YAP1: variants seen among roughly 807,000 people sequenced by gnomAD.
YAP1 encodes Yes1 associated transcriptional regulator, also known as transcriptional coactivator YAP1.
In YAP1, 5 loss-of-function variants were observed where a neutral mutation model predicts 56.9. The observed-to-expected ratio is 0.09, with a 90% CI of 0.05 to 0.18. YAP1 has a LOEUF of 0.18. Ranked by LOEUF, YAP1 falls within the 10% of genes least tolerant of loss-of-function variation. The pLI is 1.00. For missense variants in YAP1, 539 were observed against 651.8 expected, an observed-to-expected ratio of 0.83 and a Z score of 1.88; for synonymous variants, 265 against 248.1, an observed-to-expected ratio of 1.07 and a Z score of -0.64.
At chr11:102,111,533 G>A (rs1259905237) in intron 1 of YAP1, among the ~76,000 whole-genome samples, 1 of 151,936 alleles carries the variant, frequency 6.6e-6, no homozygotes, top group Non-Finnish European at 1.5e-5. Flanking sequence ...AGTCGGGCCT[G>A]GGCCGCGGTG....
intron 4 of YAP1, among the ~76,000 whole-genome samples, chr11:102,192,298 C>T (rs1216484114): frequency 6.6e-6 from 1 of 152,198 alleles, no homozygotes; most frequent in African/African-American, 2.4e-5. Flanking sequence ...TTACTCACTT[C>T]TCTGGATGTC....
At chr11:102,220,044 G>A (rs560397193) in intron 6 of YAP1, among the ~76,000 whole-genome samples, 3 of 150,508 alleles carry the variant, frequency 2.0e-5, no homozygotes, top group Admixed American at 2.0e-4. Flanking sequence ...AATGGCCTCA[G>A]TGTTCTAATG....
intron 3 of YAP1, among the ~76,000 whole-genome samples, chr11:102,171,788 T>G (rs1455756760): frequency 6.6e-6 from 1 of 152,208 alleles, no homozygotes; most frequent in Non-Finnish European, 1.5e-5. Flanking sequence ...ATAGTATTTT[T>G]CCCTTCTTAA....
At chr11:102,191,104 C>G (rs1948254810) in intron 4 of YAP1, among the ~76,000 whole-genome samples, 1 of 151,590 alleles carries the variant, frequency 6.6e-6, no homozygotes, top group Non-Finnish European at 1.5e-5. Context: ...ACCTGGGAGG[C>G]AGAGGTTGCA....
At chr11:102,160,591 T>G (rs1442115174) in intron 2 of YAP1, among the ~76,000 whole-genome samples, 2 of 152,242 alleles carry the variant, frequency 1.3e-5, no homozygotes, top group Non-Finnish European at 2.9e-5. Flanking sequence ...ACTTATCATT[T>G]TAGAAAAACC....
intron 2 of YAP1, among the ~76,000 whole-genome samples, chr11:102,135,929 A>G (rs1365046063): frequency 1.3e-5 from 2 of 152,178 alleles, no homozygotes; most frequent in African/African-American, 4.8e-5. Context: ...GCTCTATTGT[A>G]TAGCTAGACC....
At chr11:102,183,893 G>C (rs979745789) in intron 3 of YAP1, among the ~76,000 whole-genome samples, 9 of 151,704 alleles carry the variant, frequency 5.9e-5, no homozygotes, top group Non-Finnish European at 1.3e-4. Context: ...CGGCTAAAAT[G>C]GTGAAACCCC....
chr11:102,156,749 G>A (rs1945974144), intron 2 of YAP1, among the ~76,000 whole-genome samples: 1 of 152,320 alleles, frequency 6.6e-6, no homozygotes, highest in African/African-American at 2.4e-5. Flanking sequence ...TCAGGTACAC[G>A]CCATTTGGGA....
intron 2 of YAP1, among the ~76,000 whole-genome samples, chr11:102,141,133 T>C (rs1173446573): frequency 6.6e-6 from 1 of 152,194 alleles, no homozygotes; most frequent in Non-Finnish European, 1.5e-5. Context: ...CTAGAGAGTC[T>C]ACCTAGATTT....
At chr11:102,127,340 G>A (rs910492490) in intron 2 of YAP1, among the ~76,000 whole-genome samples, 1 of 152,202 alleles carries the variant, frequency 6.6e-6, no homozygotes, top group Non-Finnish European at 1.5e-5. Context: ...CCTGTGCTGT[G>A]TGCAGTCTAG....
chr11:102,199,156 C>A (rs1342919411), intron 4 of YAP1, among the ~76,000 whole-genome samples: 1 of 152,166 alleles, frequency 6.6e-6, no homozygotes, highest in Non-Finnish European at 1.5e-5. Context: ...GGAGCACCCA[C>A]TATTCCAGGT....
intron 2 of YAP1, among the ~76,000 whole-genome samples, chr11:102,152,677 C>T (rs1307448229): frequency 6.6e-6 from 1 of 152,160 alleles, no homozygotes; most frequent in Non-Finnish European, 1.5e-5. Context: ...CAAATGAAGC[C>T]ATTCAAAAGG....
chr11:102,136,682 A>G (rs185685078), intron 2 of YAP1, among the ~76,000 whole-genome samples: 1 of 152,188 alleles, frequency 6.6e-6, no homozygotes, highest in East Asian at 1.9e-4. Flanking sequence ...AGTTTCATAT[A>G]TATGTCTTTA....
At chr11:102,200,840 GTA>G (rs1458693089) in intron 4 of YAP1, among the ~76,000 whole-genome samples, 1 of 152,094 alleles carries the variant, frequency 6.6e-6, no homozygotes, top group Non-Finnish European at 1.5e-5. Context: ...TATCCTTAGT[GTA>G]TAGATTGTAT....
At chr11:102,210,227 A>C (rs1274757575) in intron 6 of YAP1, among the ~76,000 whole-genome samples, 1 of 152,176 alleles carries the variant, frequency 6.6e-6, no homozygotes, top group Non-Finnish European at 1.5e-5. Context: ...CGTTCTTAAA[A>C]CCAAAAAGAT....
chr11:102,113,559 G>A (rs1030364856), intron 1 of YAP1, among the ~76,000 whole-genome samples: 2 of 152,014 alleles, frequency 1.3e-5, no homozygotes, highest in African/African-American at 4.8e-5. Flanking sequence ...GTTCATTGTA[G>A]ATGGCTTTTA....
intron 1 of YAP1, among the ~76,000 whole-genome samples, chr11:102,111,664 G>A (rs1942927668): frequency 6.6e-6 from 1 of 152,192 alleles, no homozygotes; most frequent in South Asian, 2.1e-4. Flanking sequence ...CGGCGGCCGA[G>A]TTTGTGAAGT....
At chr11:102,177,675 C>CA (rs1022433513) in intron 3 of YAP1, among the ~76,000 whole-genome samples, 6,208 of 54,380 alleles carry the variant, frequency 0.11, 379 homozygotes, top group African/African-American at 0.24. Flanking sequence ...GACTCGGTCT[C>CA]AAAAAAAAAA....
intron 2 of YAP1, 84 bp from the exon 3 acceptor site, chr11:102,162,372 C>A: frequency 8.6e-7 from 1 of 1,167,094 alleles, no homozygotes; most frequent in Non-Finnish European, 1.3e-6. Flanking sequence ...TCGCTTGGCA[C>A]CCTTTGATTA....
Sources: allele counts gnomAD v4.1 joint callset (sites outside exome capture counted in the v4.1 genomes callset), GRCh38; gene constraint gnomAD v4.1.1; transcripts MANE v1.5; gene names NCBI Gene and HGNC (gene_info 2026-07-23, HGNC 2026-07-21).